Variants in TLN2 observed in about 807,000 individuals in gnomAD.
TLN2 encodes talin 2.
Under a neutral mutation model 294.7 loss-of-function variants are expected in TLN2, and 118 were observed. The observed-to-expected ratio is 0.40, with a 90% CI of 0.34 to 0.47. The LOEUF (loss-of-function observed/expected upper bound fraction) is 0.47, where lower values mean the gene tolerates loss of function less well. Ranked by LOEUF, TLN2 falls within the 20% of genes least tolerant of loss-of-function variation. The probability of loss-of-function intolerance (pLI) is 0.84; values close to 1 mark genes in which losing one functional copy is unlikely to be tolerated. For synonymous variants in TLN2, 1,431 were observed against 1,304.5 expected, an observed-to-expected ratio of 1.10 and a Z score of -2.09; for missense variants, 3,083 against 3,282.2, an observed-to-expected ratio of 0.94 and a Z score of 1.48.
intron 1 of TLN2, among the ~76,000 whole-genome samples, chr15:62,540,356 C>CTT (rs11071674): frequency 0.055 from 7,558 of 138,226 alleles, 236 homozygotes; most frequent in Non-Finnish European, 0.058. Flanking sequence ...AATAAATAAA[C>CTT]TTTTTTTTTT....
chr15:62,762,421 C>T lies in TLN2; in HGVS notation c.4929C>T (p.Ser1643=), dbSNP rs765506825. Reference sequence around the variant, plus strand: ...TGGCTGGACATTCCCATACAGTGTCCGACTCCATCAAGAGTCTCATCACTT... The same window carrying T: ...TGGCTGGACATTCCCATACAGTGTCTGACTCCATCAAGAGTCTCATCACTT... ...SVLAGHSHTV[S]DSIKSLITSI... Residue 1643 remains serine, a synonymous_variant, in exon 39 of 59, where the codon TCC becomes TCT. Coordinates refer to ENST00000636159, the MANE Select transcript of TLN2 (RefSeq NM_015059.3). 30 of 1,614,014 alleles carry T rather than the reference C, an allele frequency of 1.9e-5. No homozygotes were observed. Among genetic ancestry groups the T allele is most frequent in the Middle Eastern group, 1.7e-4 (1 of 6,048 alleles).
chr15:62,548,892 G>C (rs1453432816), intron 1 of TLN2, among the ~76,000 whole-genome samples: 10 of 152,136 alleles, frequency 6.6e-5, no homozygotes, highest in African/African-American at 9.7e-5. Flanking sequence ...TTGAATCCTA[G>C]GGTAAATAAT....
intron 1 of TLN2, among the ~76,000 whole-genome samples, chr15:62,578,179 A>G (rs987745624): frequency 5.3e-5 from 8 of 152,238 alleles, no homozygotes; most frequent in Admixed American, 5.2e-4. Flanking sequence ...TTTTTAAAAG[A>G]AAGTTTTAAA....
rs2070857177 is a variant in TLN2, at chr15:62,842,970, C to T, written c.*2360C>T. 1 of 152,166 alleles carries T rather than the reference C, an allele frequency of 6.6e-6. No homozygotes were observed. The highest frequency in any genetic ancestry group is 2.1e-4 in the South Asian group (1 of 4,820). 9.4% of individuals were successfully genotyped at this position (152,166 alleles called of 1,614,324 possible). ...TCATTTCATAAGATAGTTGAAGGGCCATGCCTTGTCTGGATGTTATTTAAT... is the reference window on the plus strand; with the variant it reads ...TCATTTCATAAGATAGTTGAAGGGCTATGCCTTGTCTGGATGTTATTTAAT... On this transcript the variant is annotated 3_prime_UTR_variant, in exon 59 of 59. Coordinates refer to ENST00000636159, the MANE Select transcript of TLN2 (RefSeq NM_015059.3).
intron 12 of TLN2, chr15:62,688,061 G>A (rs916867276): frequency 1.3e-5 from 2 of 152,184 alleles, no homozygotes; most frequent in Admixed American, 6.5e-5. Flanking sequence ...GGGTAGGACA[G>A]GGAACAACTG....
chr15:62,475,609 T>C (rs1169178710), intron 1 of TLN2, among the ~76,000 whole-genome samples: 3 of 152,264 alleles, frequency 2.0e-5, no homozygotes, highest in African/African-American at 4.8e-5. Context: ...CTTGTTCTTA[T>C]TCTTTATATC....
chr15:62,762,854 T>G (rs1195775950), intron 39 of TLN2, among the ~76,000 whole-genome samples: 1 of 152,220 alleles, frequency 6.6e-6, no homozygotes, highest in Non-Finnish European at 1.5e-5. Flanking sequence ...GTTGTTTATT[T>G]AGCAGGATTT....
At chr15:62,459,461 G>C (rs2036667969) in intron 1 of TLN2, among the ~76,000 whole-genome samples, 2 of 152,200 alleles carry the variant, frequency 1.3e-5, no homozygotes, top group Middle Eastern at 6.8e-3. Flanking sequence ...TATTCCTCAA[G>C]CCCTGAATGT....
intron 1 of TLN2, among the ~76,000 whole-genome samples, chr15:62,501,361 G>A (rs1483518700): frequency 6.6e-6 from 1 of 152,124 alleles, no homozygotes; most frequent in Non-Finnish European, 1.5e-5. Context: ...GAGGCCAAGG[G>A]CAGGGCTGGG....
chr15:62,407,657 C>A (rs567818708), intron 1 of TLN2, among the ~76,000 whole-genome samples: 2 of 152,174 alleles, frequency 1.3e-5, no homozygotes, highest in African/African-American at 2.4e-5. Flanking sequence ...TGGCTCATGC[C>A]TGTAATCCCA....
At chr15:62,597,005 C>T (rs907409612) in intron 2 of TLN2, among the ~76,000 whole-genome samples, 5 of 152,088 alleles carry the variant, frequency 3.3e-5, no homozygotes, top group Non-Finnish European at 7.3e-5. Flanking sequence ...TTCATGGTAG[C>T]TTGTTGGGAT....
In TLN2 at chr15:62,575,751, A is replaced by G. The variant is rs797004149; in HGVS notation, c.-237-13936A>G. ...CTGAAGGTTTGTGTGACTTAGATTTATCAGTGTTCAAGCTATAGTTTAATT... is the reference window on the plus strand; with the variant it reads ...CTGAAGGTTTGTGTGACTTAGATTTGTCAGTGTTCAAGCTATAGTTTAATT... On this transcript the variant is annotated intron_variant, in intron 1 of 58. Transcript: ENST00000636159. Among the ~76,000 whole-genome samples the G allele has an allele frequency of 9.8e-5, 15 of 152,328 alleles. 1 individual carries two copies. The highest frequency in any genetic ancestry group is 3.6e-4 in the African/African-American group (15 of 41,584).
At chr15:62,643,405 A>ATTTTTTT (rs571288380) in intron 3 of TLN2, among the ~76,000 whole-genome samples, 5 of 90,742 alleles carry the variant, frequency 5.5e-5, no homozygotes, top group East Asian at 3.2e-4. Context: ...TGGTTCCAGG[A>ATTTTTTT]TTTTTTTTTT....
chr15:62,454,924 T>A (rs931188613), intron 1 of TLN2, among the ~76,000 whole-genome samples: 19 of 152,018 alleles, frequency 1.2e-4, no homozygotes, highest in African/African-American at 4.4e-4. Context: ...GTAGACACTA[T>A]CATTCCCCCA....
At chr15:62,668,182 CA>C (rs1353731835) in intron 9 of TLN2, among the ~76,000 whole-genome samples, 3 of 151,958 alleles carry the variant, frequency 2.0e-5, no homozygotes, top group Non-Finnish European at 4.4e-5. Context: ...TAGAAATTTG[CA>C]AAGAGTAAAT....
chr15:62,613,852 C>CAAA (rs774755284), intron 2 of TLN2, among the ~76,000 whole-genome samples: 3 of 80,488 alleles, frequency 3.7e-5, no homozygotes, highest in South Asian at 3.7e-4. Flanking sequence ...GAAGCCAGGC[C>CAAA]AAAAAAAAAA....
At chr15:62,700,313 T>G (rs987742013) in intron 16 of TLN2, among the ~76,000 whole-genome samples, 12 of 152,222 alleles carry the variant, frequency 7.9e-5, no homozygotes, top group Non-Finnish European at 1.8e-4. Flanking sequence ...GGGAAGCAGA[T>G]GAGCACCTTA....
intron 2 of TLN2, among the ~76,000 whole-genome samples, chr15:62,601,722 C>G (rs949080839): frequency 2.6e-5 from 4 of 152,118 alleles, no homozygotes; most frequent in African/African-American, 9.7e-5. Flanking sequence ...ATACTCTCAT[C>G]GTTTATTTGT....
At chr15:62,518,151 G>A (rs2040276205) in intron 1 of TLN2, among the ~76,000 whole-genome samples, 2 of 151,916 alleles carry the variant, frequency 1.3e-5, no homozygotes. Context: ...CGATTCTCCT[G>A]TCTCAGCCTC....
Sources: allele counts gnomAD v4.1 joint callset (sites outside exome capture counted in the v4.1 genomes callset), GRCh38; gene constraint gnomAD v4.1.1; transcripts MANE v1.5; gene names NCBI Gene and HGNC (gene_info 2026-07-23, HGNC 2026-07-21).